The following ITGB2 variants were observed in gnomAD, a reference collection of about 807,000 sequenced individuals.
ITGB2 encodes integrin subunit beta 2.
In ITGB2, 56 loss-of-function variants were observed where a neutral mutation model predicts 86.8. The ratio of observed to expected loss-of-function variants is 0.65; its 90% CI spans 0.52 to 0.81. The LOEUF is 0.81. Among genes scored for constraint, ITGB2 ranks in the 30% least tolerant of loss-of-function variants. ITGB2 has a pLI of 0.00. For missense variants in ITGB2, 948 were observed against 1,061.2 expected (o/e 0.89, Z 1.48); for synonymous variants, 457 against 450.4 (o/e 1.01, Z -0.19).
chr21:44,920,087 G>T (rs1293281730), intron 1 of ITGB2, among the ~76,000 whole-genome samples: 3 of 152,154 alleles, frequency 2.0e-5, no homozygotes, highest in African/African-American at 7.2e-5. Context: ...CGTCACCCAG[G>T]GGTCCCCACG....
chr21:44,888,287 A>G (rs1244635014), intron 14 of ITGB2, among the ~76,000 whole-genome samples: 2 of 152,170 alleles, frequency 1.3e-5, no homozygotes, highest in Non-Finnish European at 2.9e-5. Context: ...GGATCTCCCA[A>G]TCCCCTCAAA....
chr21:44,900,933 G>A (rs2083947417), intron 6 of ITGB2, among the ~76,000 whole-genome samples: 1 of 152,228 alleles, frequency 6.6e-6, no homozygotes, highest in South Asian at 2.1e-4. Flanking sequence ...CCTAGGCTGT[G>A]ACCTCACACT....
At chr21:44,914,924 C>T (rs1295808578) in intron 1 of ITGB2, among the ~76,000 whole-genome samples, 1 of 142,782 alleles carries the variant, frequency 7.0e-6, no homozygotes, top group Non-Finnish European at 1.6e-5. Flanking sequence ...CAGAACGAGG[C>T]CCTGTCTCAA....
In ITGB2 at chr21:44,895,079, A is replaced by G; in HGVS notation, c.994-19T>C. On this transcript the variant is annotated intron_variant, in intron 8 of 15. Transcript: ENST00000652462. ...TGAGTTTCTGTTGGGCAAGAAGACC[A>G]GACATGGCACGGCTAGGACCTGTGC... 1 of 1,588,132 alleles carries G rather than the reference A, an allele frequency of 6.3e-7. No homozygotes were observed. Among genetic ancestry groups the G allele is most frequent in the South Asian group, 1.1e-5 (1 of 90,598 alleles).
Position 44,889,474 on chromosome 21 carries a change from C to A in ITGB2, c.1679G>T (p.Gly560Val). The A allele has an allele frequency of 6.3e-7, 1 of 1,579,222 alleles. No homozygotes were observed. The highest frequency in any genetic ancestry group is 8.6e-7 in the Non-Finnish European group (1 of 1,163,106). The change falls in exon 13 of 16, where the codon GGG becomes GTG. Residue 560 changes from glycine (G) to valine (V), a missense_variant. Gly to Val is a moderately radical substitution (Grantham distance 109). Coordinates refer to ENST00000652462, the MANE Select transcript of ITGB2 (RefSeq NM_000211.5). ...GGPGRGLCFC[G>V]KCRCHPGFEG... Reference sequence around the variant, plus strand: ...AAAGCCCGGGTGGCAGCGGCACTTCCCGCAGAAGCAGAGCCCCCTCCCTGG... The same window carrying A: ...AAAGCCCGGGTGGCAGCGGCACTTCACGCAGAAGCAGAGCCCCCTCCCTGG...
rs778582904 is a variant in ITGB2 at position 44,888,889 on chromosome 21, G to A, written c.1884C>T (p.Cys628=). 1.9e-5 allele frequency: 30 copies of A among 1,604,374 alleles called. No homozygotes were observed. The highest frequency in any genetic ancestry group is 1.3e-4 in the South Asian group (12 of 91,070). The change falls in exon 14 of 16, where the codon TGC becomes TGT. Residue 628 remains cysteine, a synonymous_variant. Transcript: ENST00000652462. ...CPSPCGKYIS[C]AECLKFEKGP... ...CCTTTTCGAACTTCAGGCACTCGGC[G>A]CAGGAGCTGCGGGGAGCCAGGTGTG...
intron 8 of ITGB2, among the ~76,000 whole-genome samples, chr21:44,897,130 C>G (rs2083881553): frequency 6.6e-6 from 1 of 152,186 alleles, no homozygotes. Flanking sequence ...CCCGTGTCTC[C>G]CGCAGGGTCC....
intron 8 of ITGB2, 21 bp from the exon 9 acceptor site, chr21:44,895,081 A>T (rs1186947586): frequency 6.3e-7 from 1 of 1,578,372 alleles, no homozygotes; most frequent in Non-Finnish European, 8.7e-7. Flanking sequence ...AGAAGACCAG[A>T]CATGGCACGG....
At chr21:44,923,173 C>T (rs956851915), upstream of ITGB2, among the ~76,000 whole-genome samples, 1 of 152,140 alleles carries the variant, frequency 6.6e-6, no homozygotes, top group Non-Finnish European at 1.5e-5. Flanking sequence ...TGTTAGATGA[C>T]ATCGTAGGGA....
At chr21:44,920,497 AC>A (rs1228528299) in intron 1 of ITGB2, among the ~76,000 whole-genome samples, 1 of 151,542 alleles carries the variant, frequency 6.6e-6, no homozygotes, top group African/African-American at 2.4e-5. Context: ...GAGCACCAGG[AC>A]CCCCCAGCCG....
chr21:44,908,746 ACT>A (rs1428954305), intron 3 of ITGB2, among the ~76,000 whole-genome samples: 1 of 151,962 alleles, frequency 6.6e-6, no homozygotes, highest in African/African-American at 2.4e-5. Context: ...TGGAGCCCAG[ACT>A]CTCAGGGAAA....
At chr21:44,924,422 C>A (rs544435590), upstream of ITGB2, among the ~76,000 whole-genome samples, 1 of 152,170 alleles carries the variant, frequency 6.6e-6, no homozygotes, top group African/African-American at 2.4e-5. Flanking sequence ...GAGAAGGAAA[C>A]TCTTACTCAA....
chr21:44,917,338 A>G (rs931550730), intron 1 of ITGB2, among the ~76,000 whole-genome samples: 1 of 152,184 alleles, frequency 6.6e-6, no homozygotes, highest in Non-Finnish European at 1.5e-5. Context: ...GTTCCAAAAT[A>G]TTCTGCATTT....
chr21:44,888,709 A>G lies in ITGB2; in HGVS notation c.2064T>C (p.Tyr688=), dbSNP rs761741234. ...QQDGMDRYLI[Y]VDESRECVAG... ...CGGCCTCACCTCGGCTCTCATCCAC[A>G]TAGATGAGGTAGCGGTCCATCCCGT... The change falls in exon 14 of 16, where the codon TAT becomes TAC. Residue 688 remains tyrosine (Y), a synonymous_variant. Transcript: ENST00000652462. 2.5e-6 allele frequency: 4 copies of G among 1,609,390 alleles called. No individual in the cohort carries two copies. Among genetic ancestry groups the G allele is most frequent in the Non-Finnish European group, 2.5e-6 (3 of 1,179,898 alleles).
At chr21:44,909,536 T>A (rs1485822492) in intron 3 of ITGB2, 1 of 152,272 alleles carries the variant, frequency 6.6e-6, no homozygotes, top group African/African-American at 2.4e-5. Context: ...GCGCAGTGTG[T>A]GAACCTGGGT....
chr21:44,913,529 C>G (rs3788149), intron 1 of ITGB2, among the ~76,000 whole-genome samples: 3,261 of 152,296 alleles, frequency 0.021, 97 homozygotes, highest in African/African-American at 0.064. Flanking sequence ...CCCACTGTTG[C>G]TCCTCCATGA....
In ITGB2 at chr21:44,889,970, G is replaced by A. The variant is rs200926893; in HGVS notation, c.1657+8C>T. On this transcript the variant is annotated splice_region_variant and intron_variant, in intron 12 of 15. Transcript: ENST00000652462. Reference sequence around the variant, plus strand: ...CGGCCGTTGTCCAGCAGGGACCCACGGGCTCACCCGGGCCGCCGCAGACCT... The same window carrying A: ...CGGCCGTTGTCCAGCAGGGACCCACAGGCTCACCCGGGCCGCCGCAGACCT... 179 of 1,612,842 alleles carry A rather than the reference G, an allele frequency of 1.1e-4. 1 individual carries two copies. Among genetic ancestry groups the A allele is most frequent in the Middle Eastern group, 6.6e-4 (4 of 6,054 alleles).
chr21:44,902,779 A>G (rs990400789), intron 5 of ITGB2, among the ~76,000 whole-genome samples: 3 of 150,964 alleles, frequency 2.0e-5, no homozygotes, highest in Non-Finnish European at 3.0e-5. Context: ...TTTGTGTGTG[A>G]GCGTGCATTT....
intron 4 of ITGB2, among the ~76,000 whole-genome samples, chr21:44,905,673 T>C (rs949220231): frequency 3.9e-5 from 6 of 152,144 alleles, no homozygotes; most frequent in African/African-American, 1.4e-4. Flanking sequence ...TTGTGCCTGC[T>C]CACGGGGCAG....
Sources: allele counts gnomAD v4.1 joint callset (sites outside exome capture counted in the v4.1 genomes callset), GRCh38; gene constraint gnomAD v4.1.1; transcripts MANE v1.5; gene names NCBI Gene and HGNC (gene_info 2026-07-23, HGNC 2026-07-21).